Variants in ALDH1B1 observed in about 807,000 individuals in gnomAD.
ALDH1B1 encodes aldehyde dehydrogenase 1 family member B1, also known as aldehyde dehydrogenase family 1 member B1, mitochondrial.
ALDH1B1 carries 19 observed loss-of-function variants against 26.2 expected under a neutral mutation model. The observed-to-expected ratio is 0.72, with a 90% CI of 0.51 to 1.06. The LOEUF is 1.06. ALDH1B1 is among the 50% of genes least tolerant of loss of function. The pLI is 0.00. For synonymous variants in ALDH1B1, 249 were observed against 286.0 expected (o/e 0.87, Z 1.31); for missense variants, 671 against 683.1 (o/e 0.98, Z 0.20).
chr9:38,396,066 C>A lies in ALDH1B1; in HGVS notation c.318C>A (p.Asn106Lys), dbSNP rs200524448. The A allele has an allele frequency of 6.2e-7, 1 of 1,614,110 alleles. No homozygotes were observed. The highest frequency in any genetic ancestry group is 8.5e-7 in the Non-Finnish European group (1 of 1,180,010). The change falls in exon 2 of 2, where the codon AAC becomes AAA. Residue 106 changes from asparagine to lysine, a missense_variant. Asn to Lys is a moderately conservative substitution (Grantham distance 94, BLOSUM62 0). Transcript: ENST00000377698. ...MDASERGRLL[N>K]RLADLVERDR... ...CCTCTGAGCGGGGCCGGCTGCTGAA[C>A]CGCCTGGCAGACCTAGTGGAGCGGG... is the stretch of plus-strand genomic sequence containing the variant.
In ALDH1B1 at chr9:38,396,963, C is replaced by G. The variant is rs535405575; in HGVS notation, c.1215C>G (p.Gly405=). The G allele has an allele frequency of 6.2e-7, 1 of 1,614,166 alleles. No homozygotes were observed. The highest frequency in any genetic ancestry group is 1.3e-5 in the African/African-American group (1 of 75,028). ...TCATCAAGCCTACTGTCTTTGGTGGCGTGCAGGATGACATGAGAATTGCCA... is the reference window on the plus strand; with the variant it reads ...TCATCAAGCCTACTGTCTTTGGTGGGGTGCAGGATGACATGAGAATTGCCA... ...GFFIKPTVFG[G]VQDDMRIAKE... Residue 405 remains glycine, a synonymous_variant, in exon 2 of 2, where the codon GGC becomes GGG. Coordinates refer to ENST00000377698, the MANE Select transcript of ALDH1B1 (RefSeq NM_000692.5).
intron 1 of ALDH1B1, chr9:38,394,532 T>C: frequency 1.1e-6 from 1 of 934,686 alleles, no homozygotes; most frequent in Non-Finnish European, 1.3e-6. Flanking sequence ...CCTCAAGCAG[T>C]CCTTCCACTT....
chr9:38,396,792 G>A lies in ALDH1B1; in HGVS notation c.1044G>A (p.Val348=). The part of the protein sequence containing the change: ...RTVEKAKQRK[V]GNPFELDTQQ... ...TGGAGAAAGCAAAGCAGAGGAAAGTGGGGAACCCCTTTGAGCTGGACACCC... is the reference window on the plus strand; with the variant it reads ...TGGAGAAAGCAAAGCAGAGGAAAGTAGGGAACCCCTTTGAGCTGGACACCC... The change falls in exon 2 of 2, where the codon GTG becomes GTA. Residue 348 remains valine (V), a synonymous_variant. Transcript: ENST00000377698. 6.2e-7 allele frequency: 1 copy of A among 1,614,236 alleles called. No homozygotes were observed. Among genetic ancestry groups the A allele is most frequent in the Non-Finnish European group, 8.5e-7 (1 of 1,180,048 alleles).
chr9:38,393,834 T>C (rs1344627553), intron 1 of ALDH1B1, among the ~76,000 whole-genome samples: 3 of 149,980 alleles, frequency 2.0e-5, no homozygotes, highest in Non-Finnish European at 3.0e-5. Flanking sequence ...TTTTTTTTTT[T>C]CATTTTTCTC....
At position 38,397,628 on chromosome 9, in the gene ALDH1B1, C is replaced by A. The variant is rs955095644; in HGVS notation, c.*326C>A. 1 of 271,592 alleles carries A rather than the reference C, an allele frequency of 3.7e-6. No individual in the cohort carries two copies. The highest frequency in any genetic ancestry group is 1.2e-3 in the Middle Eastern group (1 of 806). 16.8% of individuals were successfully genotyped at this position (271,592 alleles called of 1,614,324 possible). Reference sequence around the variant, plus strand: ...GTAGCTCTTCCTGCTGATCCAAGGACTTTCCCATGGGTGCGCTTGATGGTT... The same window carrying A: ...GTAGCTCTTCCTGCTGATCCAAGGAATTTCCCATGGGTGCGCTTGATGGTT... On this transcript the variant is annotated 3_prime_UTR_variant, in exon 2 of 2. Transcript: ENST00000377698.
Position 38,397,388 on chromosome 9 carries a change from A to G in ALDH1B1, c.*86A>G. 6.9e-7 allele frequency: 1 copy of G among 1,452,260 alleles called. No homozygotes were observed. The highest frequency in any genetic ancestry group is 9.1e-7 in the Non-Finnish European group (1 of 1,093,796). The allele number at this position is 1,452,260 out of a possible 1,614,324, so 90.0% of individuals were successfully genotyped here. On this transcript the variant is annotated 3_prime_UTR_variant, in exon 2 of 2. Coordinates refer to ENST00000377698, the MANE Select transcript of ALDH1B1 (RefSeq NM_000692.5). ...CTTGCCAAGCTGTTTTAAAGCCAAGAACACCCTTTCTTTGTTCCAAATTAA... is the reference window on the plus strand; with the variant it reads ...CTTGCCAAGCTGTTTTAAAGCCAAGGACACCCTTTCTTTGTTCCAAATTAA...
chr9:38,394,030 C>T (rs547828306), intron 1 of ALDH1B1, among the ~76,000 whole-genome samples: 7 of 152,196 alleles, frequency 4.6e-5, no homozygotes, highest in Non-Finnish European at 7.4e-5. Context: ...TTTAGCCAAC[C>T]GGGATTAGTT....
chr9:38,396,231 C>A lies in ALDH1B1; in HGVS notation c.483C>A (p.Ile161=), dbSNP rs753653089. Residue 161 remains isoleucine, a synonymous_variant, in exon 2 of 2, where the codon ATC becomes ATA. Coordinates refer to ENST00000377698, the MANE Select transcript of ALDH1B1 (RefSeq NM_000692.5). ...GWADKWHGKT[I]PMDGQHFCFT... is the part of the protein sequence containing the mutation. Reference sequence around the variant, plus strand: ...CTGACAAGTGGCATGGCAAGACCATCCCCATGGATGGCCAGCATTTCTGCT... The same window carrying A: ...CTGACAAGTGGCATGGCAAGACCATACCCATGGATGGCCAGCATTTCTGCT... The A allele has an allele frequency of 6.2e-7, 1 of 1,614,084 alleles. No homozygotes were observed. Among genetic ancestry groups the A allele is most frequent in the South Asian group, 1.1e-5 (1 of 91,082 alleles).
intron 1 of ALDH1B1, among the ~76,000 whole-genome samples, chr9:38,394,097 A>T (rs987248276): frequency 3.9e-5 from 6 of 152,190 alleles, no homozygotes; most frequent in African/African-American, 1.2e-4. Flanking sequence ...CAGGACTTGC[A>T]TCAGGAATAA....
At position 38,396,958 on chromosome 9, in the gene ALDH1B1, G is replaced by A. The variant is rs1367763771; in HGVS notation, c.1210G>A (p.Gly404Ser). The change falls in exon 2 of 2, where the codon GGT becomes AGT. Residue 404 changes from glycine to serine, a missense_variant. By Grantham distance (56) the Gly-to-Ser change is moderately conservative. Coordinates refer to ENST00000377698, the MANE Select transcript of ALDH1B1 (RefSeq NM_000692.5). ...TTTCTTCATCAAGCCTACTGTCTTT[G>A]GTGGCGTGCAGGATGACATGAGAAT... The part of the protein sequence containing the change: ...RGFFIKPTVF[G>S]GVQDDMRIAK... The A allele has an allele frequency of 6.2e-7, 1 of 1,614,044 alleles. No homozygotes were observed. The highest frequency in any genetic ancestry group is 1.7e-5 in the Admixed American group (1 of 60,006).
chr9:38,394,673 G>T (rs1466262030), intron 1 of ALDH1B1: 1 of 984,660 alleles, frequency 1.0e-6, no homozygotes, highest in African/African-American at 1.7e-5. Context: ...GGGGTGGAGG[G>T]TGAGAGGCTG....
Position 38,396,260 on chromosome 9 carries a change from C to T in ALDH1B1, c.512C>T (p.Thr171Ile), listed in dbSNP as rs758496531. Reference sequence around the variant, plus strand: ...ATGGATGGCCAGCATTTCTGCTTCACCCGGCATGAGCCCGTTGGTGTCTGT... The same window carrying T: ...ATGGATGGCCAGCATTTCTGCTTCATCCGGCATGAGCCCGTTGGTGTCTGT... Reference protein sequence around the residue: ...IPMDGQHFCFTRHEPVGVCGQ... With the variant: ...IPMDGQHFCFIRHEPVGVCGQ... Residue 171 changes from threonine to isoleucine, a missense_variant, in exon 2 of 2, where the codon ACC (threonine) becomes ATC (isoleucine). By Grantham distance (89) the Thr-to-Ile change is moderately conservative. Coordinates refer to ENST00000377698, the MANE Select transcript of ALDH1B1 (RefSeq NM_000692.5). 6.2e-7 allele frequency: 1 copy of T among 1,614,198 alleles called. No individual in the cohort carries two copies. The highest frequency in any genetic ancestry group is 8.5e-7 in the Non-Finnish European group (1 of 1,180,024).
At chr9:38,393,280 T>G (rs994595903) in intron 1 of ALDH1B1, among the ~76,000 whole-genome samples, 1 of 152,194 alleles carries the variant, frequency 6.6e-6, no homozygotes, top group African/African-American at 2.4e-5. Context: ...CTATACTTTC[T>G]TGCTGTGTGT....
At chr9:38,394,507 G>A (rs1821242129) in intron 1 of ALDH1B1, 2 of 769,228 alleles carry the variant, frequency 2.6e-6, no homozygotes, top group Non-Finnish European at 3.2e-6. Flanking sequence ...GCTCAGGCTG[G>A]TCTCAAACTC....
rs1450542490 is a variant in ALDH1B1 at position 38,395,738 on chromosome 9, A to G, written c.-9-2A>G. On this transcript the variant is annotated splice_acceptor_variant, in intron 1 of 1. Coordinates refer to ENST00000377698, the MANE Select transcript of ALDH1B1 (RefSeq NM_000692.5). LOFTEE classifies it low-confidence loss of function (5UTR_SPLICE). Reference sequence around the variant, plus strand: ...ACCCTGGTTTCTTTTGTCCCTCTCCAGAGTGTCAGCATGCTGCGCTTCCTG... The same window carrying G: ...ACCCTGGTTTCTTTTGTCCCTCTCCGGAGTGTCAGCATGCTGCGCTTCCTG... 7 of 1,572,816 alleles carry G rather than the reference A, an allele frequency of 4.5e-6. No individual in the cohort carries two copies. In the East Asian group the frequency reaches 1.4e-4, roughly 30 times the overall value.
chr9:38,395,639 C>A, intron 1 of ALDH1B1, 101 bp from the exon 2 acceptor site: 1 of 1,454,770 alleles, frequency 6.9e-7, no homozygotes. Context: ...GGTGACAGTC[C>A]TTTATGCTGG....
At position 38,396,537 on chromosome 9, in the gene ALDH1B1, C is replaced by T. The variant is rs777800823; in HGVS notation, c.789C>T (p.Ser263=). 2 of 1,613,916 alleles carry T rather than the reference C, an allele frequency of 1.2e-6. No homozygotes were observed. Among genetic ancestry groups the T allele is most frequent in the East Asian group, 2.2e-5 (1 of 44,864 alleles). The change falls in exon 2 of 2, where the codon TCC becomes TCT. Residue 263 remains serine, a synonymous_variant. Coordinates refer to ENST00000377698, the MANE Select transcript of ALDH1B1 (RefSeq NM_000692.5). ...VDVDKVAFTG[S]TEVGHLIQKA... is the part of the protein sequence containing the mutation. Reference sequence around the variant, plus strand: ...TTGACAAAGTTGCCTTCACCGGTTCCACCGAGGTGGGCCACCTGATCCAGA... The same window carrying T: ...TTGACAAAGTTGCCTTCACCGGTTCTACCGAGGTGGGCCACCTGATCCAGA...
rs764809001 is a variant in ALDH1B1 at position 38,396,791 on chromosome 9, T to C, written c.1043T>C (p.Val348Ala). The C allele has an allele frequency of 2.0e-5, 33 of 1,614,024 alleles. No individual in the cohort carries two copies. In the Middle Eastern group the frequency reaches 4.9e-4, roughly 24 times the overall value. Reference protein sequence around the residue: ...RTVEKAKQRKVGNPFELDTQQ... With the variant: ...RTVEKAKQRKAGNPFELDTQQ... ...GTGGAGAAAGCAAAGCAGAGGAAAG[T>C]GGGGAACCCCTTTGAGCTGGACACC... Residue 348 changes from valine (V) to alanine (A), a missense_variant, in exon 2 of 2, where the codon GTG becomes GCG. Transcript: ENST00000377698.
chr9:38,397,365 T>C lies in ALDH1B1; in HGVS notation c.*63T>C, dbSNP rs1821316365. 1 of 1,504,260 alleles carries C rather than the reference T, an allele frequency of 6.6e-7. No homozygotes were observed. The allele number at this position is 1,504,260 out of a possible 1,614,324, so 93.2% of individuals were successfully genotyped here. On this transcript the variant is annotated 3_prime_UTR_variant, in exon 2 of 2. Transcript: ENST00000377698. The stretch of plus-strand genomic sequence containing the variant: ...TTCCACAACCACCTTGACGAATGCT[T>C]GCCAAGCTGTTTTAAAGCCAAGAAC...
Sources: gnomAD v4.1 joint callset for allele counts (sites outside exome capture counted in the v4.1 genomes callset) on GRCh38, gnomAD v4.1.1 for gene constraint, MANE v1.5 for transcripts, NCBI Gene and HGNC (gene_info 2026-07-23, HGNC 2026-07-21) for gene names.